The following GALNT13 variants were observed in gnomAD, a reference collection of about 807,000 sequenced individuals.
GALNT13 encodes UDP-GalNAc:polypeptide N-acetylgalactosaminyltransferase 13.
GALNT13 carries 28 observed loss-of-function variants against 64.2 expected under a neutral mutation model. That is an observed-to-expected ratio of 0.44 (90% CI 0.32 to 0.60). The LOEUF (loss-of-function observed/expected upper bound fraction) is 0.60, where lower values mean the gene tolerates loss of function less well. Among genes scored for constraint, GALNT13 ranks in the 20% least tolerant of loss-of-function variants. The probability of loss-of-function intolerance (pLI) is 0.05; values close to 1 mark genes in which losing one functional copy is unlikely to be tolerated. For missense variants in GALNT13, 577 were observed against 669.8 expected, an observed-to-expected ratio of 0.86 and a Z score of 1.53; for synonymous variants, 214 against 224.6, an observed-to-expected ratio of 0.95 and a Z score of 0.42.
At chr2:153,244,096 T>G in the GALNT13 span, among the ~76,000 whole-genome samples, 1 of 151,754 alleles carries the variant, frequency 6.6e-6, no homozygotes, top group Non-Finnish European at 1.5e-5. Flanking sequence ...GTTTTTAAAG[T>G]AAACTCCACA....
At chr2:153,906,235 CT>C (rs1558845536) in intron 2 of GALNT13, among the ~76,000 whole-genome samples, 3 of 147,146 alleles carry the variant, frequency 2.0e-5, no homozygotes, top group African/African-American at 2.5e-5. Context: ...TTCTTTTTTT[CT>C]TTTTTTTTAA....
At chr2:154,335,242 C>T (rs1249801428) in intron 9 of GALNT13, among the ~76,000 whole-genome samples, 3 of 151,470 alleles carry the variant, frequency 2.0e-5, no homozygotes, top group East Asian at 3.9e-4. Flanking sequence ...AAAAAAAAGA[C>T]GAGTCACGAT....
intron 8 of GALNT13, among the ~76,000 whole-genome samples, chr2:154,298,694 C>CAATTTATATATAA (rs1693190369): frequency 5.4e-4 from 4 of 7,434 alleles, no homozygotes; most frequent in African/African-American, 1.6e-3. Flanking sequence ...TTTATATATA[C>CAATTTATATATAA]ATTGTATATA....
chr2:153,693,676 C>T, the GALNT13 span, among the ~76,000 whole-genome samples: 475 of 151,976 alleles, frequency 3.1e-3, 3 homozygotes, highest in East Asian at 0.04. Flanking sequence ...AGAGAGAGTA[C>T]GTGATGAGCC....
At chr2:153,136,721 A>G in the GALNT13 span, among the ~76,000 whole-genome samples, 1 of 152,064 alleles carries the variant, frequency 6.6e-6, no homozygotes. Flanking sequence ...GGAAAGACAG[A>G]GACGTTACTA....
At chr2:154,044,122 A>G (rs547275292) in intron 3 of GALNT13, among the ~76,000 whole-genome samples, 5 of 152,054 alleles carry the variant, frequency 3.3e-5, no homozygotes, top group Non-Finnish European at 7.4e-5. Flanking sequence ...GGCTTAGTAA[A>G]TATAGAAGGC....
At chr2:154,199,354 T>A (rs2105775637) in intron 4 of GALNT13, among the ~76,000 whole-genome samples, 1 of 152,096 alleles carries the variant, frequency 6.6e-6, no homozygotes, top group African/African-American at 2.4e-5. Flanking sequence ...CTGCAAAAAA[T>A]GTTTTAGGTT....
At position 153,964,156 on chromosome 2, in the gene GALNT13, C is replaced by T. The variant is rs1693157044; in HGVS notation, c.142+19517C>T. ...AAGGCATGAGTTTTAGAAATAAGAA[C>T]AGCATTTTTGGCCGGGTCCTAGTGA... On this transcript the variant is annotated intron_variant, in intron 3 of 12. Coordinates refer to ENST00000392825, the MANE Select transcript of GALNT13 (RefSeq NM_052917.4). 1.3e-5 allele frequency among the ~76,000 whole-genome samples: 2 copies of T among 151,882 alleles called. 1 individual carries two copies. The highest frequency in any genetic ancestry group is 4.1e-4 in the South Asian group (2 of 4,820).
the GALNT13 span, among the ~76,000 whole-genome samples, chr2:153,357,657 A>T: frequency 6.6e-6 from 1 of 152,124 alleles, no homozygotes; most frequent in African/African-American, 2.4e-5. Context: ...AGGGTATGGA[A>T]GTGGAGTCTT....
chr2:154,388,828 T>G (rs1698640561), intron 9 of GALNT13, among the ~76,000 whole-genome samples: 1 of 152,162 alleles, frequency 6.6e-6, no homozygotes, highest in Non-Finnish European at 1.5e-5. Flanking sequence ...AAAAAAATTA[T>G]TAGCTTAAAC....
chr2:153,863,832 G>A, the GALNT13 span, among the ~76,000 whole-genome samples: 44 of 152,004 alleles, frequency 2.9e-4, no homozygotes, highest in African/African-American at 1.0e-3. Flanking sequence ...TAGGATTCAC[G>A]CTCAAAAAGA....
At chr2:153,927,175 C>A (rs1435981318) in intron 2 of GALNT13, among the ~76,000 whole-genome samples, 2 of 151,910 alleles carry the variant, frequency 1.3e-5, no homozygotes, top group Non-Finnish European at 2.9e-5. Flanking sequence ...CTATTTCTTT[C>A]CAAAAATGTT....
intron 3 of GALNT13, among the ~76,000 whole-genome samples, chr2:153,970,267 A>G (rs927942281): frequency 2.6e-5 from 4 of 152,200 alleles, no homozygotes; most frequent in South Asian, 4.1e-4. Context: ...GCTAAGTCCA[A>G]TGATTCTCAA....
chr2:153,587,548 C>G, the GALNT13 span, among the ~76,000 whole-genome samples: 8 of 152,116 alleles, frequency 5.3e-5, no homozygotes, highest in Admixed American at 4.6e-4. Flanking sequence ...GGGAACCCCT[C>G]TTTATAAAGG....
the GALNT13 span, among the ~76,000 whole-genome samples, chr2:153,199,446 T>C: frequency 6.6e-6 from 1 of 152,184 alleles, no homozygotes; most frequent in Non-Finnish European, 1.5e-5. Context: ...GTCTGGGACC[T>C]CTATTGCCTC....
At chr2:154,143,616 G>A (rs1480376899) in intron 4 of GALNT13, among the ~76,000 whole-genome samples, 1 of 151,394 alleles carries the variant, frequency 6.6e-6, no homozygotes, top group African/African-American at 2.4e-5. Flanking sequence ...CAGCACTTTG[G>A]GTGGGAGGCT....
At chr2:154,230,140 C>T (rs772197533) in intron 4 of GALNT13, among the ~76,000 whole-genome samples, 9 of 151,934 alleles carry the variant, frequency 5.9e-5, no homozygotes, top group Admixed American at 5.3e-4. Context: ...AACATGAGCC[C>T]CTGAGTGGTC....
chr2:153,449,484 C>T, the GALNT13 span, among the ~76,000 whole-genome samples: 1 of 152,214 alleles, frequency 6.6e-6, no homozygotes, highest in Non-Finnish European at 1.5e-5. Context: ...AAAGCGCTCC[C>T]TTCCATTGTC....
the GALNT13 span, among the ~76,000 whole-genome samples, chr2:153,383,035 TA>T: frequency 6.1e-4 from 93 of 152,230 alleles, no homozygotes; most frequent in Admixed American, 1.5e-3. Flanking sequence ...AATTCTTTTT[TA>T]AAAAATTCAT....
Sources: gnomAD v4.1 joint callset for allele counts (sites outside exome capture counted in the v4.1 genomes callset) on GRCh38, gnomAD v4.1.1 for gene constraint, MANE v1.5 for transcripts, NCBI Gene and HGNC (gene_info 2026-07-23, HGNC 2026-07-21) for gene names.